Variants in TRIM44 observed in about 807,000 individuals in gnomAD.
TRIM44 encodes tripartite motif containing 44, also known as tripartite motif-containing protein 44.
Under a neutral mutation model 37.4 loss-of-function variants are expected in TRIM44, and 13 were observed. That is an observed-to-expected ratio of 0.35 (90% CI 0.23 to 0.55). TRIM44 has a LOEUF of 0.55. Among genes scored for constraint, TRIM44 ranks in the 20% least tolerant of loss-of-function variants. TRIM44 has a pLI of 0.89. For missense variants in TRIM44, 426 were observed against 437.2 expected, an observed-to-expected ratio of 0.97 and a Z score of 0.23; for synonymous variants, 175 against 157.2, an observed-to-expected ratio of 1.11 and a Z score of -0.85.
chr11:35,804,299 A>G (rs11820435), intron 4 of TRIM44, among the ~76,000 whole-genome samples: 6,382 of 152,234 alleles, frequency 0.042, 326 homozygotes, highest in East Asian at 0.14. Flanking sequence ...CACTCTCCAA[A>G]TATTATAGTA....
chr11:35,707,117 T>A (rs934853610), intron 2 of TRIM44, among the ~76,000 whole-genome samples: 7 of 152,006 alleles, frequency 4.6e-5, no homozygotes, highest in African/African-American at 1.7e-4. Context: ...TATACACCAA[T>A]AACAGACAAA....
In TRIM44 at chr11:35,810,808, A is replaced by G. The variant is rs1344442687; in HGVS notation, c.*4423A>G. On this transcript the variant is annotated 3_prime_UTR_variant, in exon 5 of 5. Transcript: ENST00000299413. ...ATGAATGGGGAGAACCAATGAATCC[A>G]TTGTCCTCTGCCTATTTTCCTGTGC... is the stretch of plus-strand genomic sequence containing the variant. 2 of 152,184 alleles carry G rather than the reference A, an allele frequency of 1.3e-5. No homozygotes were observed. The highest frequency in any genetic ancestry group is 1.3e-4 in the Admixed American group (2 of 15,270). The allele number at this position is 152,184 out of a possible 1,614,324, so 9.4% of individuals were successfully genotyped here. A position where few individuals can be genotyped will look rare whatever the true frequency, so the allele number is the denominator to read the frequency against.
At position 35,662,974 on chromosome 11, in the gene TRIM44, G is replaced by C. The variant is rs1207065423; in HGVS notation, c.-138G>C. 2 of 1,364,676 alleles carry C rather than the reference G, an allele frequency of 1.5e-6. No homozygotes were observed. The highest frequency in any genetic ancestry group is 3.3e-5 in the Admixed American group (1 of 30,032). 84.5% of individuals were successfully genotyped at this position (1,364,676 alleles called of 1,614,324 possible). The stretch of plus-strand genomic sequence containing the variant: ...AGGGGCTGCCGCGGCCCCAGGTCCC[G>C]CTTCGAGACGCGGCGCGGTCCAGGC... On this transcript the variant is annotated 5_prime_UTR_variant, in exon 1 of 5. Coordinates refer to ENST00000299413, the MANE Select transcript of TRIM44 (RefSeq NM_017583.6).
intron 2 of TRIM44, among the ~76,000 whole-genome samples, chr11:35,711,193 T>C (rs909672293): frequency 2.6e-5 from 4 of 152,218 alleles, no homozygotes; most frequent in African/African-American, 7.2e-5. Flanking sequence ...TTGTAAAATA[T>C]GTGAATTATA....
intron 4 of TRIM44, among the ~76,000 whole-genome samples, chr11:35,771,040 G>A (rs371233087): frequency 2.0e-4 from 30 of 152,248 alleles, no homozygotes; most frequent in South Asian, 4.2e-4. Context: ...AGAGCGGGGC[G>A]TTGCTGAAAA....
At chr11:35,702,644 G>A (rs1851806729) in intron 2 of TRIM44, among the ~76,000 whole-genome samples, 1 of 152,228 alleles carries the variant, frequency 6.6e-6, no homozygotes, top group South Asian at 2.1e-4. Flanking sequence ...GATGGCATGT[G>A]TGTGAAATTT....
chr11:35,703,180 T>G (rs1325243486), intron 2 of TRIM44, among the ~76,000 whole-genome samples: 1 of 152,126 alleles, frequency 6.6e-6, no homozygotes, highest in Non-Finnish European at 1.5e-5. Context: ...GAGATAAACC[T>G]GCAAGGCGGA....
chr11:35,755,508 A>C (rs892839712), intron 4 of TRIM44, among the ~76,000 whole-genome samples: 21 of 151,996 alleles, frequency 1.4e-4, no homozygotes, highest in African/African-American at 5.1e-4. Context: ...CTTTAGTTTA[A>C]TTAGATCCCA....
intron 1 of TRIM44, among the ~76,000 whole-genome samples, chr11:35,678,987 ATT>A (rs200176750): frequency 9.3e-5 from 13 of 140,428 alleles, no homozygotes; most frequent in Admixed American, 1.4e-4. Context: ...AGTTGGATTG[ATT>A]TTTTTTTTTT....
rs1851302340 is a variant in TRIM44, at chr11:35,663,697, C to T, written c.586C>T (p.Leu196Phe). Reference protein sequence around the residue: ...LSTYCQEDRQLICVLCPVIGA... With the variant: ...LSTYCQEDRQFICVLCPVIGA... The stretch of plus-strand genomic sequence containing the variant: ...TACCTATTGCCAGGAAGATAGGCAG[C>T]TCATCTGTGTCCTGTGTCCAGTCAT... The change falls in exon 1 of 5, where the codon CTC (leucine) becomes TTC (phenylalanine). Residue 196 changes from leucine to phenylalanine, a missense_variant. Coordinates refer to ENST00000299413, the MANE Select transcript of TRIM44 (RefSeq NM_017583.6). 1 of 1,614,130 alleles carries T rather than the reference C, an allele frequency of 6.2e-7. No homozygotes were observed. Among genetic ancestry groups the T allele is most frequent in the Non-Finnish European group, 8.5e-7 (1 of 1,180,034 alleles).
At chr11:35,742,686 T>TTATATTAAC (rs1852423650) in intron 4 of TRIM44, among the ~76,000 whole-genome samples, 1 of 135,836 alleles carries the variant, frequency 7.4e-6, no homozygotes, top group African/African-American at 2.8e-5. Context: ...TTATATATAA[T>TTATATTAAC]TATATTAAAT....
At chr11:35,781,787 A>G (rs994792141) in intron 4 of TRIM44, among the ~76,000 whole-genome samples, 18 of 152,260 alleles carry the variant, frequency 1.2e-4, no homozygotes, top group African/African-American at 4.3e-4. Flanking sequence ...GACCTCGAAC[A>G]TGGATCAAGT....
chr11:35,800,812 T>C (rs1357297821), intron 4 of TRIM44, among the ~76,000 whole-genome samples: 2 of 152,178 alleles, frequency 1.3e-5, no homozygotes, highest in Admixed American at 6.5e-5. Context: ...GAGGGAAGCT[T>C]TCTTAGTTTT....
At chr11:35,742,021 C>T (rs1328011437) in intron 4 of TRIM44, among the ~76,000 whole-genome samples, 3 of 152,094 alleles carry the variant, frequency 2.0e-5, no homozygotes, top group Non-Finnish European at 4.4e-5. Context: ...GCCTCAACCT[C>T]CCTGGCTTAA....
intron 4 of TRIM44, among the ~76,000 whole-genome samples, chr11:35,765,403 A>G (rs1742526047): frequency 6.6e-6 from 1 of 152,224 alleles, no homozygotes; most frequent in Non-Finnish European, 1.5e-5. Flanking sequence ...AAATATGACT[A>G]GTTCTTCCTA....
At chr11:35,791,648 G>A (rs114230926) in intron 4 of TRIM44, among the ~76,000 whole-genome samples, 1,944 of 152,226 alleles carry the variant, frequency 0.013, 45 homozygotes, top group African/African-American at 0.044. Flanking sequence ...ATCTTCAAGA[G>A]TTTGTTCAAG....
rs1164982614 is a variant in TRIM44, at chr11:35,663,010, T to C, written c.-102T>C. 2.0e-5 allele frequency: 28 copies of C among 1,416,200 alleles called. No individual in the cohort carries two copies. The highest frequency in any genetic ancestry group is 2.5e-5 in the Non-Finnish European group (27 of 1,090,972). The allele number at this position is 1,416,200 out of a possible 1,614,324, so 87.7% of individuals were successfully genotyped here. A position where few individuals can be genotyped will look rare whatever the true frequency, so the allele number is the denominator to read the frequency against. On this transcript the variant is annotated 5_prime_UTR_variant, in exon 1 of 5. Coordinates refer to ENST00000299413, the MANE Select transcript of TRIM44 (RefSeq NM_017583.6). Reference sequence around the variant, plus strand: ...CGGCGCGGTCCAGGCGGGAGGCGACTCCCTAGGAAGGGACCCGGGGCGGGA... The same window carrying C: ...CGGCGCGGTCCAGGCGGGAGGCGACCCCCTAGGAAGGGACCCGGGGCGGGA...
chr11:35,708,329 C>T (rs1405124963), intron 2 of TRIM44, among the ~76,000 whole-genome samples: 1 of 151,938 alleles, frequency 6.6e-6, no homozygotes, highest in Non-Finnish European at 1.5e-5. Flanking sequence ...ACTAGTTCAA[C>T]CATTATGGAA....
intron 4 of TRIM44, among the ~76,000 whole-genome samples, chr11:35,760,702 G>C (rs1228933598): frequency 6.6e-6 from 1 of 152,160 alleles, no homozygotes; most frequent in Non-Finnish European, 1.5e-5. Flanking sequence ...TATTTATATA[G>C]TACAACATGG....
Sources: gnomAD v4.1 joint callset for allele counts (sites outside exome capture counted in the v4.1 genomes callset) on GRCh38, gnomAD v4.1.1 for gene constraint, MANE v1.5 for transcripts, NCBI Gene and HGNC (gene_info 2026-07-23, HGNC 2026-07-21) for gene names.